Variants in RASL12 observed in about 807,000 individuals in gnomAD.
The protein encoded by RASL12 is ras-like protein family member 12.
In RASL12, 16 loss-of-function variants were observed where a neutral mutation model predicts 22.9. The ratio of observed to expected loss-of-function variants is 0.70; its 90% CI spans 0.47 to 1.06. The LOEUF (loss-of-function observed/expected upper bound fraction) is 1.06, where lower values mean the gene tolerates loss of function less well. Ranked by LOEUF, RASL12 falls within the 50% of genes least tolerant of loss-of-function variation. RASL12 has a pLI of 0.00. For missense variants in RASL12, 306 were observed against 353.1 expected, an observed-to-expected ratio of 0.87 and a Z score of 1.07; for synonymous variants, 159 against 152.2, an observed-to-expected ratio of 1.04 and a Z score of -0.33.
chr15:65,067,736 A>G lies in RASL12; in HGVS notation c.100T>C (p.Ser34Pro). ...AILGRRGAGK[S>P]ALTVKFLTKR... ...CAGGCTCCCCGGCGCCACTCACCAG[A>G]CTTGCCAGCCCCGCGGCGCCCCAGG... Residue 34 changes from serine to proline, a missense_variant, in exon 1 of 5, where the codon TCT (serine) becomes CCT (proline). Ser to Pro is a moderately conservative substitution (Grantham distance 74). Transcript: ENST00000220062. The G allele has an allele frequency of 6.4e-7, 1 of 1,562,994 alleles. No homozygotes were observed. Among genetic ancestry groups the G allele is most frequent in the Non-Finnish European group, 8.6e-7 (1 of 1,157,128 alleles).
the RASL12 span, among the ~76,000 whole-genome samples, chr15:65,045,941 C>G: frequency 5.7e-4 from 86 of 151,666 alleles, no homozygotes; most frequent in African/African-American, 2.0e-3. Flanking sequence ...CGAGGCAGGC[C>G]GATCACCTGA....
intron 1 of RASL12, among the ~76,000 whole-genome samples, chr15:65,066,624 C>A (rs535832572): frequency 6.6e-4 from 101 of 152,102 alleles, no homozygotes; most frequent in Non-Finnish European, 1.3e-3. Flanking sequence ...AATTTAAATT[C>A]TTTCTTTTAT....
chr15:65,066,620 A>T (rs1422427270), intron 1 of RASL12, among the ~76,000 whole-genome samples: 1 of 152,222 alleles, frequency 6.6e-6, no homozygotes, highest in Non-Finnish European at 1.5e-5. Context: ...TTAAAATTTA[A>T]ATTCTTTCTT....
Position 65,073,016 on chromosome 15 carries a change from C to G in RASL12, c.70+3513G>C, listed in dbSNP as rs185950691. 1.3e-4 allele frequency among the ~76,000 whole-genome samples: 20 copies of G among 152,208 alleles called. No individual in the cohort carries two copies. The East Asian group carries it at 3.7e-3, about 28-fold the overall frequency. ...ACCAGGTGTGGGTTACTCTGTCACT[C>G]TGGGTGACAGAGTGAGACTCCGTCT... is the stretch of plus-strand genomic sequence containing the variant. On this transcript the variant is annotated intron_variant, in intron 1 of 4. Coordinates refer to the RASL12 transcript ENST00000434605.
chr15:65,049,827 C>A (rs191171987), downstream of RASL12: 19 of 466,590 alleles, frequency 4.1e-5, no homozygotes, highest in Admixed American at 2.0e-4. Context: ...CAGAGGAGAT[C>A]TGGATTTGGG....
Position 65,067,754 on chromosome 15 carries a change from GC to G in RASL12, c.81del (p.Arg28AlafsTer9). ...TCACCAGACTTGCCAGCCCCGCGGC[GC>G]CCCAGGATGGCCAGGTTGACCTCGA... is the stretch of plus-strand genomic sequence containing the variant. ...APLEVNLAIL[G>X]RRGAGKSALT... is the part of the protein sequence containing the mutation. On this transcript the variant is annotated frameshift_variant, in exon 1 of 5. Transcript: ENST00000220062. LOFTEE classifies it high-confidence loss of function. 1 of 1,571,112 alleles carries G rather than the reference GC, an allele frequency of 6.4e-7. No homozygotes were observed. Among genetic ancestry groups the G allele is most frequent in the East Asian group, 2.4e-5 (1 of 40,976 alleles).
chr15:65,059,492 C>A, intron 2 of RASL12, 74 bp from the exon 3 acceptor site: 1 of 1,181,922 alleles, frequency 8.5e-7, no homozygotes, highest in Non-Finnish European at 1.3e-6. Flanking sequence ...TGTGCTAGAC[C>A]CCTGTGTGGC....
At chr15:65,075,243 G>A (rs12913308) in intron 1 of RASL12, among the ~76,000 whole-genome samples, 57,356 of 152,176 alleles carry the variant, frequency 0.38, 11,628 homozygotes, top group South Asian at 0.55. Flanking sequence ...TTCTCACCGG[G>A]CCTTAGCTGC....
At chr15:65,076,184 G>A (rs1343534157) in intron 1 of RASL12, among the ~76,000 whole-genome samples, 5 of 152,298 alleles carry the variant, frequency 3.3e-5, no homozygotes, top group South Asian at 2.1e-4. Context: ...GTGGCAACCC[G>A]CTCATATCCC....
intron 4 of RASL12, among the ~76,000 whole-genome samples, chr15:65,056,409 G>T (rs748178890): frequency 6.6e-6 from 1 of 152,128 alleles, no homozygotes; most frequent in African/African-American, 2.4e-5. Context: ...CAGAGGCATC[G>T]GATCTATTCC....
chr15:65,070,482 G>C (rs910482304), upstream of RASL12, among the ~76,000 whole-genome samples: 1 of 152,190 alleles, frequency 6.6e-6, no homozygotes, highest in Non-Finnish European at 1.5e-5. Context: ...TATTCTGCTA[G>C]GGCAGGTAAC....
chr15:65,068,195 A>C, upstream of RASL12: 2 of 993,646 alleles, frequency 2.0e-6, no homozygotes, highest in Admixed American at 6.1e-5. This position sits in a 1 kb window ranked among gnomAD's most constrained non-coding sequence, Gnocchi z 4.2. Context: ...AGCGCCCCCA[A>C]ACCCGGCCGG....
downstream of RASL12, among the ~76,000 whole-genome samples, chr15:65,052,121 T>G (rs2086661576): frequency 6.6e-6 from 1 of 152,042 alleles, no homozygotes; most frequent in Admixed American, 6.6e-5. Context: ...TGGGAGCCAA[T>G]GAAGGTGGTT....
Position 65,054,065 on chromosome 15 carries a change from T to C in RASL12, c.*834A>G. 1 of 985,938 alleles carries C rather than the reference T, an allele frequency of 1.0e-6. No homozygotes were observed. The highest frequency in any genetic ancestry group is 1.2e-6 in the Non-Finnish European group (1 of 829,996). 61.1% of individuals were successfully genotyped at this position (985,938 alleles called of 1,614,324 possible). A position where few individuals can be genotyped will look rare whatever the true frequency, so the allele number is the denominator to read the frequency against. ...CCCTGTAGCCCCTGGATGGGTCTGATGCTGCTGTGGGCTCCCTGGAGCCCT... is the reference window on the plus strand; with the variant it reads ...CCCTGTAGCCCCTGGATGGGTCTGACGCTGCTGTGGGCTCCCTGGAGCCCT... On this transcript the variant is annotated 3_prime_UTR_variant, in exon 5 of 5. Coordinates refer to ENST00000220062, the MANE Select transcript of RASL12 (RefSeq NM_016563.4).
chr15:65,052,379 C>T (rs1179442269), downstream of RASL12, among the ~76,000 whole-genome samples: 3 of 147,664 alleles, frequency 2.0e-5, no homozygotes, highest in African/African-American at 7.5e-5. Flanking sequence ...AGTGCACACA[C>T]TAGCTATGTG....
At position 65,067,856 on chromosome 15, in the gene RASL12, C is replaced by T; in HGVS notation, c.-21G>A. On this transcript the variant is annotated 5_prime_UTR_variant, in exon 1 of 5. The change creates a new upstream start codon in the 5' untranslated region. Coordinates refer to ENST00000220062, the MANE Select transcript of RASL12 (RefSeq NM_016563.4). ...GACATGGCGACGCCCTGGACGGCCA[C>T]GCAGGTCTGCGGCCGGTGGGCCCCG... The T allele has an allele frequency of 6.8e-7, 1 of 1,475,828 alleles. No homozygotes were observed. Among genetic ancestry groups the T allele is most frequent in the South Asian group, 1.4e-5 (1 of 72,824 alleles). 91.4% of individuals were successfully genotyped at this position (1,475,828 alleles called of 1,614,324 possible).
downstream of RASL12, chr15:65,050,150 C>A: frequency 6.8e-7 from 1 of 1,470,906 alleles, no homozygotes; most frequent in Non-Finnish European, 9.3e-7. Flanking sequence ...CCCCTCAACA[C>A]AGAGCAGAGT....
At chr15:65,046,722 G>A in the RASL12 span, among the ~76,000 whole-genome samples, 7 of 152,116 alleles carry the variant, frequency 4.6e-5, no homozygotes, top group African/African-American at 1.7e-4. Flanking sequence ...AGGCTGGCCT[G>A]GGCAAGATGA....
downstream of RASL12, chr15:65,049,142 T>G (rs1435761734): frequency 6.6e-6 from 1 of 151,900 alleles, no homozygotes; most frequent in Non-Finnish European, 1.5e-5. Context: ...TTATATTAAG[T>G]AGTAATAATG....
Sources: gnomAD v4.1 joint callset for allele counts (sites outside exome capture counted in the v4.1 genomes callset) on GRCh38, gnomAD v4.1.1 for gene constraint, Gnocchi (gnomAD v3.1) non-coding constraint, MANE v1.5 for transcripts, NCBI Gene and HGNC (gene_info 2026-07-23, HGNC 2026-07-21) for gene names.